The following PPP2R2B variants were observed in gnomAD, a reference collection of about 807,000 sequenced individuals.
PPP2R2B encodes the protein serine/threonine-protein phosphatase 2A 55 kDa regulatory subunit B beta isoform.
PPP2R2B carries 5 observed loss-of-function variants against 46.0 expected under a neutral mutation model. The ratio of observed to expected loss-of-function variants is 0.11; its 90% confidence interval spans 0.06 to 0.23. The LOEUF (loss-of-function observed/expected upper bound fraction) is 0.23, where lower values mean the gene tolerates loss of function less well. Among genes scored for constraint, PPP2R2B ranks in the 10% least tolerant of loss-of-function variants. PPP2R2B has a pLI of 1.00. For missense variants in PPP2R2B, 367 were observed against 575.0 expected, an observed-to-expected ratio of 0.64 and a Z score of 3.70; for synonymous variants, 215 against 206.7, an observed-to-expected ratio of 1.04 and a Z score of -0.34.
At chr5:146,927,432 T>A (rs575895937) in intron 1 of PPP2R2B, among the ~76,000 whole-genome samples, 1 of 152,210 alleles carries the variant, frequency 6.6e-6, no homozygotes, top group Non-Finnish European at 1.5e-5. Context: ...CAGCAACAGA[T>A]TATATAGTAC....
intron 3 of PPP2R2B, among the ~76,000 whole-genome samples, chr5:146,699,029 T>C (rs1375467482): frequency 6.6e-6 from 1 of 152,206 alleles, no homozygotes; most frequent in East Asian, 1.9e-4. Context: ...GGAAGTTTTA[T>C]TTCAGATATT....
exon 2 of PPP2R2B, chr5:147,081,073 A>T: frequency 6.5e-7 from 1 of 1,535,518 alleles, no homozygotes; most frequent in Admixed American, 2.0e-5. Flanking sequence ...TGTGGTTCCA[A>T]TCTCGATAGT....
chr5:146,697,163 C>T (rs1335719776), intron 4 of PPP2R2B, among the ~76,000 whole-genome samples: 3 of 152,104 alleles, frequency 2.0e-5, no homozygotes, highest in Non-Finnish European at 4.4e-5. Context: ...AATCATTCTC[C>T]AACTCATTTT....
chr5:146,985,307 C>T (rs1168191418), intron 1 of PPP2R2B, among the ~76,000 whole-genome samples: 1 of 152,160 alleles, frequency 6.6e-6, no homozygotes, highest in African/African-American at 2.4e-5. Flanking sequence ...GCGTGAGCCA[C>T]TGCACCTGGC....
At chr5:147,037,615 G>A (rs1208342261) in intron 1 of PPP2R2B, among the ~76,000 whole-genome samples, 2 of 152,098 alleles carry the variant, frequency 1.3e-5, no homozygotes, top group African/African-American at 2.4e-5. Flanking sequence ...AAACTTTTGT[G>A]TATCATGGGA....
intron 2 of PPP2R2B, among the ~76,000 whole-genome samples, chr5:146,754,228 C>A (rs920780194): frequency 6.6e-6 from 1 of 152,150 alleles, no homozygotes; most frequent in African/African-American, 2.4e-5. Context: ...TGCATCAATG[C>A]ATTTTTACTA....
chr5:146,962,419 G>T (rs1752213218), intron 1 of PPP2R2B, among the ~76,000 whole-genome samples: 1 of 151,916 alleles, frequency 6.6e-6, no homozygotes, highest in Non-Finnish European at 1.5e-5. Context: ...AGCACTTTGG[G>T]AGACCAAGGC....
intron 5 of PPP2R2B, among the ~76,000 whole-genome samples, chr5:146,670,783 C>T (rs1050604412): frequency 6.6e-6 from 1 of 152,136 alleles, no homozygotes; most frequent in African/African-American, 2.4e-5. Flanking sequence ...GCATGAGCCA[C>T]TGCACCCGGC....
intron 2 of PPP2R2B, among the ~76,000 whole-genome samples, chr5:146,803,716 A>G (rs1757002678): frequency 6.6e-6 from 1 of 152,348 alleles, no homozygotes; most frequent in Middle Eastern, 3.4e-3. Flanking sequence ...TACAAGACCA[A>G]GTTAGGCATC....
chr5:146,662,092 G>A (rs1776710224), intron 5 of PPP2R2B, among the ~76,000 whole-genome samples: 1 of 152,078 alleles, frequency 6.6e-6, no homozygotes, highest in Non-Finnish European at 1.5e-5. Flanking sequence ...CTGAATCTTT[G>A]ATCACCGAGG....
chr5:146,978,718 T>G (rs1198819374), intron 1 of PPP2R2B, among the ~76,000 whole-genome samples: 1 of 152,128 alleles, frequency 6.6e-6, no homozygotes. Context: ...TTTTCTGTCC[T>G]ATTGGTCTAT....
At chr5:146,930,826 T>C (rs907818188) in intron 1 of PPP2R2B, among the ~76,000 whole-genome samples, 4 of 152,222 alleles carry the variant, frequency 2.6e-5, no homozygotes, top group African/African-American at 7.2e-5. Flanking sequence ...TTCTTTTTTA[T>C]GTATTCTCAT....
intron 2 of PPP2R2B, among the ~76,000 whole-genome samples, chr5:146,769,574 C>CTGAA (rs1374534934): frequency 6.6e-6 from 1 of 152,296 alleles, no homozygotes; most frequent in African/African-American, 2.4e-5. Context: ...TTAATATTTG[C>CTGAA]TGAATGAATG....
rs1463506755 is a variant in PPP2R2B, at chr5:146,588,186, GA to G, written c.*1760del. ...TTGCAGGAAAAATGAGAAATACTGAGAAAGTCTCGTCTTTGTTCCCATGCTC... is the reference window on the plus strand; with the variant it reads ...TTGCAGGAAAAATGAGAAATACTGAGAAGTCTCGTCTTTGTTCCCATGCTC... On this transcript the variant is annotated 3_prime_UTR_variant, in exon 10 of 10. Coordinates refer to ENST00000394411, the MANE Select transcript of PPP2R2B (RefSeq NM_181675.4). 3.3e-5 allele frequency: 5 copies of G among 152,214 alleles called. No homozygotes were observed. Among genetic ancestry groups the G allele is most frequent in the Non-Finnish European group, 5.9e-5 (4 of 68,040 alleles). The allele number at this position is 152,214 out of a possible 1,614,324, so 9.4% of individuals were successfully genotyped here. A position where few individuals can be genotyped will look rare whatever the true frequency, so the allele number is the denominator to read the frequency against.
intron 2 of PPP2R2B, among the ~76,000 whole-genome samples, chr5:146,849,458 A>G (rs1760210054): frequency 1.3e-5 from 2 of 152,184 alleles, no homozygotes; most frequent in South Asian, 2.1e-4. Flanking sequence ...TAGTGCTTTA[A>G]TCACTGCTGT....
At chr5:146,824,238 A>G (rs1758435681) in intron 2 of PPP2R2B, among the ~76,000 whole-genome samples, 1 of 152,276 alleles carries the variant, frequency 6.6e-6, no homozygotes, top group Admixed American at 6.5e-5. Flanking sequence ...ACATAGAGTC[A>G]GTCTCATCCT....
At chr5:146,624,717 C>T (rs893066352) in intron 7 of PPP2R2B, among the ~76,000 whole-genome samples, 10 of 152,188 alleles carry the variant, frequency 6.6e-5, no homozygotes, top group Admixed American at 2.6e-4. Context: ...TACAGGTCTA[C>T]CGTGTGGCCC....
At chr5:146,716,649 C>T (rs1362225065) in intron 2 of PPP2R2B, among the ~76,000 whole-genome samples, 1 of 152,190 alleles carries the variant, frequency 6.6e-6, no homozygotes, top group African/African-American at 2.4e-5. Context: ...CAATACTACC[C>T]TGCATTCAGA....
chr5:147,052,889 C>T lies in PPP2R2B; in HGVS notation c.79+2776G>A, dbSNP rs188007854. Among the ~76,000 whole-genome samples the T allele has an allele frequency of 7.9e-5, 12 of 152,018 alleles. No homozygotes were observed. In the East Asian group the frequency reaches 2.3e-3, roughly 29 times the overall value. On this transcript the variant is annotated intron_variant, in intron 1 of 8. Coordinates refer to the PPP2R2B transcript ENST00000336640. ...GTATGAAAAAGCAGGCGTGAGGGCT[C>T]AGAGTGAGGGAGGGGAAGAAAAAGG...
Sources: allele counts gnomAD v4.1 joint callset (sites outside exome capture counted in the v4.1 genomes callset), GRCh38; gene constraint gnomAD v4.1.1; transcripts MANE v1.5; gene names NCBI Gene and HGNC (gene_info 2026-07-23, HGNC 2026-07-21).